Variants in ZFPM2 observed in about 807,000 individuals in gnomAD.
ZFPM2 encodes the protein zinc finger protein, FOG family member 2, also known as zinc finger protein ZFPM2.
ZFPM2 carries 20 observed loss-of-function variants against 98.6 expected under a neutral mutation model. The ratio of observed to expected loss-of-function variants is 0.20; its 90% confidence interval spans 0.14 to 0.29. The LOEUF (loss-of-function observed/expected upper bound fraction) is 0.29. ZFPM2 is among the 10% of genes least tolerant of loss of function. The pLI is 1.00. For synonymous variants in ZFPM2, 518 were observed against 502.7 expected, an observed-to-expected ratio of 1.03 and a Z score of -0.41; for missense variants, 1,310 against 1,388.6, an observed-to-expected ratio of 0.94 and a Z score of 0.90.
At chr8:105,772,843 G>T (rs1813010807) in intron 5 of ZFPM2, among the ~76,000 whole-genome samples, 2 of 152,102 alleles carry the variant, frequency 1.3e-5, no homozygotes, top group South Asian at 2.1e-4. Context: ...GTGAGTTTAT[G>T]TTATACTTCA....
intron 5 of ZFPM2, among the ~76,000 whole-genome samples, chr8:105,651,660 G>A (rs1352792867): frequency 6.6e-6 from 1 of 152,058 alleles, no homozygotes; most frequent in Non-Finnish European, 1.5e-5. Flanking sequence ...AGCCCAGGGT[G>A]GGTATTCTAC....
intron 1 of ZFPM2, among the ~76,000 whole-genome samples, chr8:105,348,281 T>C (rs1353714539): frequency 6.6e-6 from 1 of 152,228 alleles, no homozygotes; most frequent in African/African-American, 2.4e-5. Context: ...TATGATTTTC[T>C]TTAAAGTCAT....
rs1813496562 is a variant in ZFPM2, at chr8:105,788,718, G to A, written c.533G>A (p.Gly178Glu). The A allele has an allele frequency of 1.2e-6, 2 of 1,613,676 alleles. No individual in the cohort carries two copies. The highest frequency in any genetic ancestry group is 1.7e-5 in the Admixed American group (1 of 59,992). ...NKNNCIVYSK[G>E]GQLWCTTTKA... ...TCTTTTTCTTTTTTCTTCTTAATAGGGGGTCAGCTTTGGTGTACAACTACG... is the reference window on the plus strand; with the variant it reads ...TCTTTTTCTTTTTTCTTCTTAATAGAGGGTCAGCTTTGGTGTACAACTACG... The change falls in exon 6 of 8, where the codon GGG (glycine) becomes GAG (glutamate). Residue 178 changes from glycine (G) to glutamate (E), a missense_variant and splice_region_variant. Gly to Glu is a moderately conservative substitution (Grantham distance 98). Transcript: ENST00000407775.
At chr8:105,524,031 TAG>T (rs1464056169) in intron 3 of ZFPM2, among the ~76,000 whole-genome samples, 4 of 152,176 alleles carry the variant, frequency 2.6e-5, no homozygotes. Flanking sequence ...TGTATCTACC[TAG>T]AGTTACTGTA....
chr8:105,517,545 G>A (rs1813950335), intron 3 of ZFPM2, among the ~76,000 whole-genome samples: 2 of 151,974 alleles, frequency 1.3e-5, no homozygotes, highest in Admixed American at 1.3e-4. Context: ...TGTTTGTGGT[G>A]AGAATACTTA....
chr8:105,528,176 G>A (rs1390504386), intron 3 of ZFPM2, among the ~76,000 whole-genome samples: 2 of 152,148 alleles, frequency 1.3e-5, no homozygotes, highest in African/African-American at 2.4e-5. Flanking sequence ...ATGGGGAGGG[G>A]TGTATTTTGA....
intron 3 of ZFPM2, among the ~76,000 whole-genome samples, chr8:105,529,527 C>G (rs774791647): frequency 5.1e-4 from 77 of 151,156 alleles, no homozygotes; most frequent in Non-Finnish European, 4.0e-4. Flanking sequence ...GCAACCCAGA[C>G]ATAAATTCAT....
chr8:105,406,680 A>G (rs2130011233), intron 1 of ZFPM2, among the ~76,000 whole-genome samples: 1 of 152,062 alleles, frequency 6.6e-6, no homozygotes, highest in East Asian at 1.9e-4. Context: ...TGGCAGACTG[A>G]AAGTGCTGAT....
intron 3 of ZFPM2, among the ~76,000 whole-genome samples, chr8:105,495,917 C>T (rs756063161): frequency 3.3e-5 from 5 of 152,222 alleles, no homozygotes; most frequent in Admixed American, 2.6e-4. Flanking sequence ...TTTAGGGTTA[C>T]AGAAAAGTAG....
At chr8:105,677,019 A>C (rs1355788420) in intron 5 of ZFPM2, among the ~76,000 whole-genome samples, 1 of 152,130 alleles carries the variant, frequency 6.6e-6, no homozygotes, top group East Asian at 1.9e-4. Context: ...AAGATGGACT[A>C]GTTTTTCAGT....
At chr8:105,775,273 T>C (rs1490327930) in intron 5 of ZFPM2, among the ~76,000 whole-genome samples, 2 of 151,994 alleles carry the variant, frequency 1.3e-5, no homozygotes, top group Non-Finnish European at 2.9e-5. Context: ...AATTTATTCC[T>C]CTGCAGAGCA....
intron 3 of ZFPM2, among the ~76,000 whole-genome samples, chr8:105,486,364 G>A (rs1483693860): frequency 2.6e-5 from 4 of 152,002 alleles, no homozygotes; most frequent in Admixed American, 2.0e-4. Flanking sequence ...TATGGTGTCT[G>A]TTTGTGTGTG....
intron 5 of ZFPM2, among the ~76,000 whole-genome samples, chr8:105,721,830 T>G (rs1434941675): frequency 6.6e-6 from 1 of 151,962 alleles, no homozygotes; most frequent in African/African-American, 2.4e-5. Flanking sequence ...CCATCTCACA[T>G]GAAATGAGGC....
intron 1 of ZFPM2, among the ~76,000 whole-genome samples, chr8:105,370,158 C>G (rs1198975130): frequency 6.6e-6 from 1 of 151,868 alleles, no homozygotes; most frequent in African/African-American, 2.4e-5. Context: ...CAAAGTAAAT[C>G]CAGTGCAAAA....
chr8:105,618,415 T>G (rs1317197655), intron 4 of ZFPM2, among the ~76,000 whole-genome samples: 1 of 152,132 alleles, frequency 6.6e-6, no homozygotes, highest in Non-Finnish European at 1.5e-5. Flanking sequence ...TTTCATAGAA[T>G]TGTTGTAAAA....
chr8:105,424,542 G>A (rs1427505093), intron 2 of ZFPM2, among the ~76,000 whole-genome samples: 9 of 152,096 alleles, frequency 5.9e-5, no homozygotes, highest in Admixed American at 5.9e-4. Flanking sequence ...TCCACATAGT[G>A]TGCAGAAAGC....
At position 105,606,636 on chromosome 8, in the gene ZFPM2, T is replaced by C. The variant is rs150740178; in HGVS notation, c.421-27610T>C. 9.1e-4 allele frequency among the ~76,000 whole-genome samples: 138 copies of C among 152,228 alleles called. 2 individuals carry two copies. The highest frequency in any genetic ancestry group is 2.6e-4 in the Non-Finnish European group (18 of 68,000). On this transcript the variant is annotated intron_variant, in intron 4 of 7. Transcript: ENST00000407775. Reference sequence around the variant, plus strand: ...ACTCCATAAATACTAACCATTATTGTCATTATGTTAATAAACCATTACTGC... The same window carrying C: ...ACTCCATAAATACTAACCATTATTGCCATTATGTTAATAAACCATTACTGC...
intron 4 of ZFPM2, among the ~76,000 whole-genome samples, chr8:105,621,862 AT>A: frequency 6.6e-6 from 1 of 152,026 alleles, no homozygotes. Flanking sequence ...AGTTTTTATT[AT>A]TATACTTTAA....
chr8:105,492,919 CA>C (rs1469053367), intron 3 of ZFPM2, among the ~76,000 whole-genome samples: 1 of 152,012 alleles, frequency 6.6e-6, no homozygotes, highest in African/African-American at 2.4e-5. Flanking sequence ...CCTGCATTTG[CA>C]GTAGTTAGGA....
Sources: gnomAD v4.1 joint callset for allele counts (sites outside exome capture counted in the v4.1 genomes callset) on GRCh38, gnomAD v4.1.1 for gene constraint, MANE v1.5 for transcripts, NCBI Gene and HGNC (gene_info 2026-07-23, HGNC 2026-07-21) for gene names.